FRRS1L: variants seen among roughly 807,000 people sequenced by gnomAD.
FRRS1L encodes DOMON domain-containing protein FRRS1L.
A neutral mutation model predicts 28.6 loss-of-function variants in FRRS1L; 22 were observed. That is an observed-to-expected ratio of 0.77 (90% CI 0.55 to 1.10). FRRS1L has a LOEUF of 1.10. FRRS1L is among the 50% of genes least tolerant of loss of function. The probability of loss-of-function intolerance (pLI) is 0.00; values close to 1 mark genes in which losing one functional copy is unlikely to be tolerated. For synonymous variants in FRRS1L, 158 were observed against 151.4 expected (o/e 1.04, Z -0.32); for missense variants, 380 against 386.9 (o/e 0.98, Z 0.15).
chr9:109,146,732 G>T (rs1831266740), intron 3 of FRRS1L, among the ~76,000 whole-genome samples: 1 of 152,098 alleles, frequency 6.6e-6, no homozygotes, highest in South Asian at 2.1e-4. Flanking sequence ...AAAATGAGCT[G>T]CACCCCAGTC....
chr9:109,142,459 G>T (rs1370491169), intron 3 of FRRS1L, among the ~76,000 whole-genome samples: 1 of 152,044 alleles, frequency 6.6e-6, no homozygotes, highest in African/African-American at 2.4e-5. Flanking sequence ...ATAAATTTTG[G>T]TGCTACTGCA....
intron 2 of FRRS1L, chr9:109,148,527 G>A (rs906349274): frequency 1.5e-4 from 23 of 152,178 alleles, no homozygotes; most frequent in African/African-American, 5.1e-4. Flanking sequence ...GTAGAAAGTT[G>A]AAGCAATGGG....
Position 109,167,216 on chromosome 9 carries a change from C to T in FRRS1L, c.-78G>A. ...CGGGCGCGGGCCGGGACTGAGCCTC[C>T]GCCGAGGCCACCAGCACGCGCCCGC... On this transcript the variant is annotated 5_prime_UTR_variant, in exon 1 of 5. Coordinates refer to ENST00000561981, the MANE Select transcript of FRRS1L (RefSeq NM_014334.4). 7.5e-7 allele frequency: 1 copy of T among 1,332,896 alleles called. No homozygotes were observed. The highest frequency in any genetic ancestry group is 1.8e-5 in the South Asian group (1 of 56,792). The allele number at this position is 1,332,896 out of a possible 1,614,324, so 82.6% of individuals were successfully genotyped here.
chr9:109,139,119 A>C (rs1564228356), intron 4 of FRRS1L: 1 of 152,122 alleles, frequency 6.6e-6, no homozygotes, highest in Non-Finnish European at 1.5e-5. Context: ...GAACTGCTTG[A>C]ACCTGGGAGG....
At chr9:109,163,844 A>G (rs1831509705) in intron 1 of FRRS1L, among the ~76,000 whole-genome samples, 1 of 152,198 alleles carries the variant, frequency 6.6e-6, no homozygotes, top group Non-Finnish European at 1.5e-5. Context: ...TTCACTTGCC[A>G]CGTCCTCCAA....
At chr9:109,164,416 A>C (rs1338736104) in intron 1 of FRRS1L, among the ~76,000 whole-genome samples, 2 of 99,086 alleles carry the variant, frequency 2.0e-5, no homozygotes, top group African/African-American at 8.1e-5. Flanking sequence ...TTTTTTTTTG[A>C]GACCGAGTCT....
intron 2 of FRRS1L, among the ~76,000 whole-genome samples, chr9:109,149,050 G>C (rs539442656): frequency 6.6e-6 from 1 of 152,256 alleles, no homozygotes; most frequent in Non-Finnish European, 1.5e-5. Context: ...GGAAGTAAAG[G>C]GTTCAAAGGA....
Position 109,137,560 on chromosome 9 carries a change from A to G in FRRS1L, c.777T>C (p.Tyr259=). 6.2e-7 allele frequency: 1 copy of G among 1,613,138 alleles called. No homozygotes were observed. The highest frequency in any genetic ancestry group is 8.5e-7 in the Non-Finnish European group (1 of 1,179,264). Residue 259 remains tyrosine (Y), a synonymous_variant, in exon 5 of 5, where the codon TAT becomes TAC. Coordinates refer to ENST00000561981, the MANE Select transcript of FRRS1L (RefSeq NM_014334.4). ...ASERVVSIYK[Y]EDIFMPSAAY... is the part of the protein sequence containing the mutation. ...CAGCTGATGGCATAAAAATGTCTTC[A>G]TACTTGTAAATACTGACAACACGCT... is the stretch of plus-strand genomic sequence containing the variant.
rs113463237 is a variant in FRRS1L, at chr9:109,143,293, G to A, written c.463-1704C>T. On this transcript the variant is annotated intron_variant, in intron 3 of 4. Coordinates refer to ENST00000561981, the MANE Select transcript of FRRS1L (RefSeq NM_014334.4). The stretch of plus-strand genomic sequence containing the variant: ...TAGTGCCACTGAACTCCAAGCCTGG[G>A]CAATACAGTAAGACTCCATCACAAA... Among the ~76,000 whole-genome samples, 80 of 152,064 alleles carry A rather than the reference G, an allele frequency of 5.3e-4. 2 individuals are homozygous for A. Among genetic ancestry groups the A allele is most frequent in the African/African-American group, 1.9e-3 (77 of 41,470 alleles).
chr9:109,160,860 T>C (rs1454246729), intron 1 of FRRS1L, among the ~76,000 whole-genome samples: 1 of 150,460 alleles, frequency 6.6e-6, no homozygotes, highest in Non-Finnish European at 1.5e-5. Context: ...TGGCATGATC[T>C]TGGCTCACTG....
At chr9:109,141,146 CATTT>C (rs1366435060) in intron 4 of FRRS1L, 193 bp downstream of exon 4, 2 of 612,062 alleles carry the variant, frequency 3.3e-6, no homozygotes, top group Non-Finnish European at 5.7e-6. Flanking sequence ...TGTAACTGTT[CATTT>C]GTTTGTCCGT....
intron 1 of FRRS1L, chr9:109,149,921 A>T: frequency 1.8e-6 from 1 of 546,892 alleles, no homozygotes; most frequent in East Asian, 3.1e-5. Flanking sequence ...CTTGCATGTG[A>T]ACTGAGAGTA....
intron 4 of FRRS1L, chr9:109,139,556 G>A (rs1022879819): frequency 5.9e-5 from 9 of 152,052 alleles, no homozygotes; most frequent in African/African-American, 2.2e-4. Context: ...TAAATAATAG[G>A]CTAAATATTA....
chr9:109,166,552 C>T (rs918180849), intron 1 of FRRS1L, among the ~76,000 whole-genome samples: 3 of 152,122 alleles, frequency 2.0e-5, no homozygotes, highest in African/African-American at 4.8e-5. Context: ...AACCCAACCC[C>T]AGGCGGCAAA....
chr9:109,155,767 G>C (rs180680223), intron 1 of FRRS1L, among the ~76,000 whole-genome samples: 1 of 151,146 alleles, frequency 6.6e-6, no homozygotes, highest in Admixed American at 6.6e-5. Context: ...TGGTTGTCTC[G>C]AGCTGGGGTG....
At chr9:109,139,328 G>A (rs903248051) in intron 4 of FRRS1L, 1 of 152,238 alleles carries the variant, frequency 6.6e-6, no homozygotes, top group Admixed American at 6.5e-5. Context: ...GAAGTTTTGA[G>A]AGAGCTTATC....
chr9:109,167,135 C>T lies in FRRS1L; in HGVS notation c.4G>A (p.Ala2Thr), dbSNP rs1180551851. The change falls in exon 1 of 5, where the codon GCG becomes ACG. Residue 2 changes from alanine (A) to threonine (T), a missense_variant. Physicochemically the swap from Ala to Thr is moderately conservative, Grantham distance 58. Coordinates refer to ENST00000561981, the MANE Select transcript of FRRS1L (RefSeq NM_014334.4). Reference sequence around the variant, plus strand: ...CCCGGGTGCTGCCGGGGCGGCCGCGCCATCCGTGCGCACAGATCCCGCAGC... The same window carrying T: ...CCCGGGTGCTGCCGGGGCGGCCGCGTCATCCGTGCGCACAGATCCCGCAGC... Reference protein sequence around the residue: MARPPRQHPGVW... With the variant: MTRPPRQHPGVW... The T allele has an allele frequency of 1.7e-6, 2 of 1,153,830 alleles. No homozygotes were observed. Among genetic ancestry groups the T allele is most frequent in the Non-Finnish European group, 2.1e-6 (2 of 941,456 alleles). 71.5% of individuals were successfully genotyped at this position (1,153,830 alleles called of 1,614,324 possible). A position where few individuals can be genotyped will look rare whatever the true frequency, so the allele number is the denominator to read the frequency against.
intron 2 of FRRS1L, among the ~76,000 whole-genome samples, chr9:109,148,943 C>G (rs1325473634): frequency 6.6e-6 from 1 of 152,140 alleles, no homozygotes; most frequent in Non-Finnish European, 1.5e-5. Context: ...CTTCTTAGAC[C>G]TTAAGTACTG....
At position 109,147,402 on chromosome 9, in the gene FRRS1L, T is replaced by C. The variant is rs1199502154; in HGVS notation, c.324-213A>G. The C allele has an allele frequency of 1.7e-5, 9 of 528,736 alleles. No individual in the cohort carries two copies. In the East Asian group the frequency reaches 2.5e-4, roughly 15 times the overall value. The allele number at this position is 528,736 out of a possible 1,614,324, so 32.8% of individuals were successfully genotyped here. On this transcript the variant is annotated intron_variant, in intron 2 of 4. Transcript: ENST00000561981. ...GTACACAAGAACTGCAGTCCTGAGA[T>C]GGGAAGGGGCTTGCCCGAGGTTGTA...
Sources: allele counts gnomAD v4.1 joint callset (sites outside exome capture counted in the v4.1 genomes callset), GRCh38; gene constraint gnomAD v4.1.1; transcripts MANE v1.5; gene names NCBI Gene and HGNC (gene_info 2026-07-23, HGNC 2026-07-21).